The following USP34 variants were observed in gnomAD, a reference collection of about 807,000 sequenced individuals.
The protein encoded by USP34 is ubiquitin carboxyl-terminal hydrolase 34.
In USP34, 70 loss-of-function variants were observed where a neutral mutation model predicts 460.3. The observed-to-expected ratio is 0.15, with a 90% CI of 0.13 to 0.19. The LOEUF is 0.19. USP34 is among the 10% of genes least tolerant of loss of function. The pLI, the probability that USP34 is intolerant of heterozygous loss-of-function variation, is 1.00. For synonymous variants in USP34, 1,647 were observed against 1,405.3 expected (o/e 1.17, Z -3.85); for missense variants, 3,985 against 4,236.2 (o/e 0.94, Z 1.65).
intron 44 of USP34, among the ~76,000 whole-genome samples, chr2:61,258,455 G>A (rs568740967): frequency 7.9e-5 from 12 of 152,262 alleles, no homozygotes; most frequent in South Asian, 2.1e-4. Context: ...GGAATACTCC[G>A]GTTAATCTGT....
At chr2:61,321,982 A>G (rs940533426) in intron 21 of USP34, among the ~76,000 whole-genome samples, 1 of 152,196 alleles carries the variant, frequency 6.6e-6, no homozygotes, top group Admixed American at 6.5e-5. Context: ...TAATCCCATC[A>G]CTTTGGGAGG....
At chr2:61,228,762 G>T (rs760635248) in intron 60 of USP34, 43 bp from the exon 61 acceptor site, 4 of 1,592,766 alleles carry the variant, frequency 2.5e-6, no homozygotes, top group Non-Finnish European at 3.4e-6. Context: ...TAAAATAAAA[G>T]CAATTAAGTT....
intron 1 of USP34, among the ~76,000 whole-genome samples, chr2:61,438,235 G>C (rs1225059289): frequency 6.6e-6 from 1 of 152,018 alleles, no homozygotes; most frequent in East Asian, 1.9e-4. Flanking sequence ...CTTAGCAATA[G>C]AATGAAGGAC....
intron 53 of USP34, among the ~76,000 whole-genome samples, chr2:61,236,993 T>G (rs1041255658): frequency 1.3e-5 from 2 of 152,222 alleles, no homozygotes; most frequent in Non-Finnish European, 2.9e-5. Context: ...TTTGGAATTT[T>G]GGTTGGTCGG....
intron 1 of USP34, among the ~76,000 whole-genome samples, chr2:61,434,818 GA>G (rs780360614): frequency 1.3e-5 from 2 of 151,668 alleles, no homozygotes; most frequent in Non-Finnish European, 2.9e-5. Context: ...AATCAACAGA[GA>G]AAAAAGAAAC....
chr2:61,261,801 T>C (rs1294758230), intron 43 of USP34, among the ~76,000 whole-genome samples: 1 of 152,070 alleles, frequency 6.6e-6, no homozygotes, highest in African/African-American at 2.4e-5. Flanking sequence ...CAGAATCATA[T>C]CAAATTCTGT....
intron 5 of USP34, among the ~76,000 whole-genome samples, chr2:61,386,089 T>C (rs1357872348): frequency 6.6e-6 from 1 of 151,864 alleles, no homozygotes. Context: ...ATTAAGTCAG[T>C]AGGCAAAACA....
At position 61,395,239 on chromosome 2, in the gene USP34, TAAAAA is replaced by T; in HGVS notation, c.553-11_553-7del. On this transcript the variant is annotated splice_polypyrimidine_tract_variant and splice_region_variant and intron_variant, in intron 3 of 79. Coordinates refer to ENST00000398571, the MANE Select transcript of USP34 (RefSeq NM_014709.4). ...CTTTCTTGAGTTGATATATCCTAAT[TAAAAA>T]AAAAAAAGCAAGTAAAATTAGGTTA... is the stretch of plus-strand genomic sequence containing the variant. 1 of 1,146,022 alleles carries T rather than the reference TAAAAA, an allele frequency of 8.7e-7. No homozygotes were observed. Among genetic ancestry groups the T allele is most frequent in the South Asian group, 1.5e-5 (1 of 64,596 alleles). 71.0% of individuals were successfully genotyped at this position (1,146,022 alleles called of 1,614,324 possible). A position where few individuals can be genotyped will look rare whatever the true frequency, so the allele number is the denominator to read the frequency against.
chr2:61,440,813 C>G (rs1325618170), intron 1 of USP34, among the ~76,000 whole-genome samples: 1 of 151,540 alleles, frequency 6.6e-6, no homozygotes, highest in African/African-American at 2.4e-5. Context: ...GCACCACACC[C>G]GGCCTACTTT....
intron 5 of USP34, 137 bp from the exon 6 acceptor site, chr2:61,383,473 G>C (rs761644202): frequency 1.9e-6 from 1 of 513,978 alleles, no homozygotes; most frequent in Non-Finnish European, 3.4e-6. Context: ...GGGAGGCTGA[G>C]GTGGGCAGAT....
intron 1 of USP34, among the ~76,000 whole-genome samples, chr2:61,427,300 T>A (rs1694541490): frequency 6.6e-6 from 1 of 152,208 alleles, no homozygotes; most frequent in African/African-American, 2.4e-5. Flanking sequence ...AGTGCTGGGA[T>A]TACAGGCATG....
intron 10 of USP34, among the ~76,000 whole-genome samples, chr2:61,368,191 T>G (rs1018408752): frequency 6.6e-6 from 1 of 152,172 alleles, no homozygotes; most frequent in Admixed American, 6.5e-5. Context: ...ACCAGCACTT[T>G]GTGAGGCCAA....
intron 62 of USP34, among the ~76,000 whole-genome samples, chr2:61,225,063 T>C (rs1687688718): frequency 6.6e-6 from 1 of 152,178 alleles, no homozygotes; most frequent in Non-Finnish European, 1.5e-5. Flanking sequence ...TTGTACAGGG[T>C]TTCCAGGTCT....
chr2:61,323,283 G>A (rs367629760), intron 21 of USP34, among the ~76,000 whole-genome samples: 160 of 152,204 alleles, frequency 1.1e-3, no homozygotes, highest in East Asian at 3.9e-3. Context: ...AGGCCGAGGC[G>A]GGCGGATCAC....
chr2:61,206,152 T>C (rs1225173575), intron 71 of USP34, 28 bp from the exon 72 acceptor site: 4 of 1,579,856 alleles, frequency 2.5e-6, no homozygotes, highest in Admixed American at 1.7e-5. Flanking sequence ...CATATAAATA[T>C]GCCATCTGAG....
In USP34 at chr2:61,247,535, T is replaced by A. The variant is rs1483626166; in HGVS notation, c.6394+976A>T. Among the ~76,000 whole-genome samples the A allele has an allele frequency of 4.7e-5, 7 of 150,496 alleles. No individual in the cohort carries two copies. In the East Asian group the frequency reaches 7.7e-4, roughly 17 times the overall value. Reference sequence around the variant, plus strand: ...TCTGCTCTACTCTTCCAGAAAAAAATTTTTTTTCAAATAGATGGAGTCTTG... The same window carrying A: ...TCTGCTCTACTCTTCCAGAAAAAAAATTTTTTTCAAATAGATGGAGTCTTG... On this transcript the variant is annotated intron_variant, in intron 49 of 79. Transcript: ENST00000398571.
chr2:61,464,717 CAAAAA>C (rs35331685), intron 1 of USP34, among the ~76,000 whole-genome samples: 1 of 77,996 alleles, frequency 1.3e-5, no homozygotes, highest in Non-Finnish European at 2.4e-5. Flanking sequence ...GACTCCGTCT[CAAAAA>C]AAAAAAAAAA....
intron 43 of USP34, among the ~76,000 whole-genome samples, chr2:61,264,710 A>C (rs1688994265): frequency 1.3e-5 from 2 of 152,176 alleles, no homozygotes; most frequent in Admixed American, 1.3e-4. Context: ...TAAAAGCAGT[A>C]CAAAAGGCAA....
intron 34 of USP34, among the ~76,000 whole-genome samples, chr2:61,285,503 A>C (rs1372941470): frequency 6.9e-6 from 1 of 145,414 alleles, no homozygotes; most frequent in Non-Finnish European, 1.5e-5. Context: ...AAAAAAAAAA[A>C]AGTAAGAAAA....
Sources: allele counts gnomAD v4.1 joint callset (sites outside exome capture counted in the v4.1 genomes callset), GRCh38; gene constraint gnomAD v4.1.1; transcripts MANE v1.5; gene names NCBI Gene and HGNC (gene_info 2026-07-23, HGNC 2026-07-21).